The following LINGO2 variants were observed in gnomAD, a reference collection of about 807,000 sequenced individuals.
The protein encoded by LINGO2 is leucine-rich repeat and immunoglobulin-like domain-containing nogo receptor-interacting protein 2.
Under a neutral mutation model 30.6 loss-of-function variants are expected in LINGO2, and 14 were observed. The ratio of observed to expected loss-of-function variants is 0.46; its 90% CI spans 0.30 to 0.72. LINGO2 has a LOEUF of 0.72. Among genes scored for constraint, LINGO2 ranks in the 30% least tolerant of loss-of-function variants. The pLI is 0.07. For synonymous variants in LINGO2, 317 were observed against 288.5 expected (o/e 1.10, Z -1.00); for missense variants, 729 against 751.7 (o/e 0.97, Z 0.35).
At chr9:28,551,156 G>C (rs1386856131) in intron 1 of LINGO2, among the ~76,000 whole-genome samples, 3 of 151,664 alleles carry the variant, frequency 2.0e-5, no homozygotes, top group African/African-American at 7.2e-5. Flanking sequence ...ATTAAAGCAA[G>C]TCTTGTATTA....
chr9:28,102,793 A>T (rs1826456987), intron 4 of LINGO2, among the ~76,000 whole-genome samples: 1 of 152,162 alleles, frequency 6.6e-6, no homozygotes, highest in Admixed American at 6.6e-5. Flanking sequence ...AATAGCTTGT[A>T]CCTACTATGA....
the LINGO2 span, among the ~76,000 whole-genome samples, chr9:28,677,067 A>G: frequency 6.6e-6 from 1 of 152,090 alleles, no homozygotes; most frequent in Non-Finnish European, 1.5e-5. Flanking sequence ...TGTTCTAAGT[A>G]CATTACATTT....
chr9:29,088,918 A>C, the LINGO2 span, among the ~76,000 whole-genome samples: 4 of 152,096 alleles, frequency 2.6e-5, no homozygotes, highest in Non-Finnish European at 5.9e-5. Flanking sequence ...TAAATCCTGA[A>C]ATATGTGCTT....
In LINGO2 at chr9:28,612,088, C is replaced by T. The variant is rs1219168078; in HGVS notation, c.-365+58112G>A. ...CTGGGCTTCTTTTTTATTTTTAAGGCGGGGTCTCTATTGCCTGTGAAAAAG... is the reference window on the plus strand; with the variant it reads ...CTGGGCTTCTTTTTTATTTTTAAGGTGGGGTCTCTATTGCCTGTGAAAAAG... On this transcript the variant is annotated intron_variant, in intron 1 of 5. Coordinates refer to ENST00000379992, the Ensembl canonical transcript of LINGO2. Among the ~76,000 whole-genome samples, 4 of 151,912 alleles carry T rather than the reference C, an allele frequency of 2.6e-5. No homozygotes were observed. In the East Asian group the frequency reaches 5.8e-4, roughly 22 times the overall value.
chr9:28,781,505 ATT>A, the LINGO2 span, among the ~76,000 whole-genome samples: 1 of 152,158 alleles, frequency 6.6e-6, no homozygotes, highest in East Asian at 1.9e-4. Flanking sequence ...CAGCTCTACA[ATT>A]GGCACTATTT....
intron 1 of LINGO2, among the ~76,000 whole-genome samples, chr9:28,481,741 T>C (rs1423707171): frequency 6.6e-6 from 1 of 152,108 alleles, no homozygotes; most frequent in African/African-American, 2.4e-5. Flanking sequence ...TCATCTAGCA[T>C]TAGGTATATC....
At chr9:28,510,397 T>G (rs1391467151) in intron 1 of LINGO2, among the ~76,000 whole-genome samples, 1 of 152,096 alleles carries the variant, frequency 6.6e-6, no homozygotes, top group Non-Finnish European at 1.5e-5. Context: ...AAAAAGAATG[T>G]TATTAAGAAA....
At chr9:28,632,064 G>A (rs1826967451) in intron 1 of LINGO2, among the ~76,000 whole-genome samples, 1 of 152,116 alleles carries the variant, frequency 6.6e-6, no homozygotes, top group Non-Finnish European at 1.5e-5. Flanking sequence ...TGCAGAAAAT[G>A]GCTATCTTTA....
intron 1 of LINGO2, among the ~76,000 whole-genome samples, chr9:28,593,568 T>C (rs1825028237): frequency 6.6e-6 from 1 of 152,056 alleles, no homozygotes; most frequent in African/African-American, 2.4e-5. Context: ...CCATAAAAGG[T>C]CTGACTATTG....
At chr9:28,872,129 C>T in the LINGO2 span, among the ~76,000 whole-genome samples, 3 of 151,836 alleles carry the variant, frequency 2.0e-5, no homozygotes, top group Non-Finnish European at 4.4e-5. Context: ...GAGAAAGAAA[C>T]CTTCAAAAGT....
At chr9:28,032,312 C>T (rs942747820) in intron 4 of LINGO2, among the ~76,000 whole-genome samples, 3 of 152,316 alleles carry the variant, frequency 2.0e-5, no homozygotes, top group African/African-American at 4.8e-5. Context: ...AGCGCACACA[C>T]TGCCTGCCCT....
At chr9:28,200,876 A>G (rs1820205898) in intron 4 of LINGO2, among the ~76,000 whole-genome samples, 1 of 152,212 alleles carries the variant, frequency 6.6e-6, no homozygotes, top group African/African-American at 2.4e-5. Context: ...CTTTATATGT[A>G]TTTAAATACT....
At chr9:28,041,405 C>T (rs1308390310) in intron 4 of LINGO2, among the ~76,000 whole-genome samples, 6 of 152,064 alleles carry the variant, frequency 3.9e-5, no homozygotes, top group African/African-American at 1.4e-4. Context: ...CTGTGTGCTT[C>T]TGTGTATAAA....
intron 4 of LINGO2, among the ~76,000 whole-genome samples, chr9:28,268,614 T>A (rs938959258): frequency 6.6e-6 from 1 of 152,154 alleles, no homozygotes. Context: ...GTTTTTCTGA[T>A]TTGTAAAATG....
rs1439855781 is a variant in LINGO2 at position 28,632,873 on chromosome 9, TATATATGTAG to T, written c.-365+37317_-365+37326del. Among the ~76,000 whole-genome samples the T allele has an allele frequency of 4.5e-3, 449 of 100,486 alleles. 11 individuals are homozygous for T. The highest frequency in any genetic ancestry group is 0.017 in the African/African-American group (416 of 25,190). The allele number at this position is 100,486 out of a possible 152,430, so 65.9% of individuals were successfully genotyped here. ...TATATTTTTTATATATATATATATA[TATATATGTAG>T]AGAGAGAGAGAGAGAGAGAGAGAGA... On this transcript the variant is annotated intron_variant, in intron 1 of 5. Transcript: ENST00000379992.
chr9:29,091,300 A>T, the LINGO2 span, among the ~76,000 whole-genome samples: 1 of 152,078 alleles, frequency 6.6e-6, no homozygotes, highest in Non-Finnish European at 1.5e-5. Context: ...CCCCATGGAA[A>T]CACTGAATCT....
intron 1 of LINGO2, among the ~76,000 whole-genome samples, chr9:28,592,265 G>C (rs1399742478): frequency 6.6e-6 from 1 of 152,084 alleles, no homozygotes; most frequent in Non-Finnish European, 1.5e-5. Flanking sequence ...AAAGAAGGAA[G>C]CTGGGTTGGA....
At chr9:28,505,614 G>A (rs541410232) in intron 1 of LINGO2, among the ~76,000 whole-genome samples, 2 of 151,934 alleles carry the variant, frequency 1.3e-5, no homozygotes, top group East Asian at 1.9e-4. Flanking sequence ...TAGAAACAGA[G>A]GGCTTTTTGT....
At chr9:28,546,585 C>T (rs1297369327) in intron 1 of LINGO2, among the ~76,000 whole-genome samples, 2 of 152,170 alleles carry the variant, frequency 1.3e-5, no homozygotes, top group Non-Finnish European at 1.5e-5. Context: ...AATTTCATTA[C>T]AGCCAGCTCC....
Sources: allele counts gnomAD v4.1 joint callset (sites outside exome capture counted in the v4.1 genomes callset), GRCh38; gene constraint gnomAD v4.1.1; transcripts MANE v1.5; gene names NCBI Gene and HGNC (gene_info 2026-07-23, HGNC 2026-07-21).